DEFB110: variants seen among roughly 807,000 people sequenced by gnomAD.
DEFB110 encodes the protein defensin beta 110, also known as beta-defensin 110.
Under a neutral mutation model 2.5 loss-of-function variants are expected in DEFB110, and 4 were observed. That is an observed-to-expected ratio of 1.60 (90% CI 0.79 to 3.66). The LOEUF is 3.66. DEFB110 is among the 30% of genes most tolerant of loss of function. DEFB110 has a pLI of 0.01. For synonymous variants in DEFB110, 29 were observed against 21.8 expected, an observed-to-expected ratio of 1.33 and a Z score of -0.92; for missense variants, 94 against 75.4, an observed-to-expected ratio of 1.25 and a Z score of -0.91.
chr6:50,021,275 G>T (rs186335363), intron 1 of DEFB110, among the ~76,000 whole-genome samples: 1 of 152,136 alleles, frequency 6.6e-6, no homozygotes, highest in South Asian at 2.1e-4. Context: ...AGCATCCTGG[G>T]TTCTATCTAC....
intron 1 of DEFB110, among the ~76,000 whole-genome samples, chr6:50,012,668 T>C (rs1260792085): frequency 6.6e-6 from 1 of 151,954 alleles, no homozygotes; most frequent in Non-Finnish European, 1.5e-5. Context: ...TATTTATAGA[T>C]TTATGGCAGA....
At chr6:50,021,257 T>G (rs1490939782) in intron 1 of DEFB110, among the ~76,000 whole-genome samples, 1 of 152,166 alleles carries the variant, frequency 6.6e-6, no homozygotes, top group East Asian at 1.9e-4. Context: ...CATTGTAGGT[T>G]ATTTAGCAGC....
Position 50,018,912 on chromosome 6 carries a change from G to A in DEFB110, c.*65C>T. On this transcript the variant is annotated 3_prime_UTR_variant, in exon 2 of 2. Coordinates refer to ENST00000371148, the MANE Select transcript of DEFB110 (RefSeq NM_001037497.2). ...GAGACACACACGCCTTGAAGGATGT[G>A]CTGGGAAAACTTAATAACGCTGGTC... 3 of 1,536,976 alleles carry A rather than the reference G, an allele frequency of 2.0e-6. No homozygotes were observed. In the Middle Eastern group the frequency reaches 5.3e-4, roughly 270 times the overall value.
chr6:50,017,389 A>G (rs974032577), downstream of DEFB110, among the ~76,000 whole-genome samples: 2 of 151,864 alleles, frequency 1.3e-5, no homozygotes, highest in Admixed American at 1.3e-4. Flanking sequence ...GACTTTATAA[A>G]TCAGTAGTTC....
chr6:50,018,724 G>A, downstream of DEFB110: 1 of 922,296 alleles, frequency 1.1e-6, no homozygotes, highest in Non-Finnish European at 1.4e-6. Flanking sequence ...TGTGGAACAT[G>A]AAGCACTGAA....
At chr6:50,020,861 A>G (rs1261336843) in intron 1 of DEFB110, among the ~76,000 whole-genome samples, 1 of 152,190 alleles carries the variant, frequency 6.6e-6, no homozygotes, top group Non-Finnish European at 1.5e-5. Flanking sequence ...CTGAGGAGTT[A>G]TTATTATCAA....
chr6:50,009,248 A>G (rs770946154), exon 2 of DEFB110: 3 of 1,601,698 alleles, frequency 1.9e-6, no homozygotes, highest in Admixed American at 1.8e-5. Context: ...TCAAATCTAT[A>G]CTTTGGTTCA....
rs528421186 is a variant in DEFB110 at position 50,010,256 on chromosome 6, G to C, written c.56-985C>G. ...TTTGTTAAAATTTAGAGAATGAATT[G>C]AATTGAATTCAGATTTAAATTATGT... On this transcript the variant is annotated intron_variant, in intron 1 of 1. Transcript: ENST00000393660. Among the ~76,000 whole-genome samples, 6 of 151,912 alleles carry C rather than the reference G, an allele frequency of 3.9e-5. No homozygotes were observed. In the East Asian group the frequency reaches 1.2e-3, roughly 29 times the overall value.
At chr6:50,020,480 A>G (rs1486693121) in intron 1 of DEFB110, among the ~76,000 whole-genome samples, 1 of 151,994 alleles carries the variant, frequency 6.6e-6, no homozygotes, top group East Asian at 1.9e-4. Context: ...TGACCAAAGG[A>G]CAGATTTAAT....
chr6:50,021,146 C>G (rs766876240), intron 1 of DEFB110, among the ~76,000 whole-genome samples: 3 of 152,110 alleles, frequency 2.0e-5, no homozygotes, highest in Non-Finnish European at 4.4e-5. Context: ...TAAATATACT[C>G]CCTGTCAATT....
chr6:50,017,754 A>G (rs948410693), downstream of DEFB110, among the ~76,000 whole-genome samples: 4 of 151,956 alleles, frequency 2.6e-5, no homozygotes, highest in African/African-American at 4.8e-5. Context: ...AATGCTTAGT[A>G]TAAGCATACT....
chr6:50,011,471 T>C (rs894707530), intron 1 of DEFB110, among the ~76,000 whole-genome samples: 1 of 151,978 alleles, frequency 6.6e-6, no homozygotes, highest in African/African-American at 2.4e-5. Flanking sequence ...TTCCAGAAGG[T>C]TTCTGGGAGT....
chr6:50,011,372 C>T (rs1194080464), intron 1 of DEFB110, among the ~76,000 whole-genome samples: 1 of 151,922 alleles, frequency 6.6e-6, no homozygotes, highest in East Asian at 1.9e-4. Flanking sequence ...ACATTTTGTA[C>T]ATCACTGGAG....
chr6:50,020,116 A>G (rs1582369453), intron 1 of DEFB110, among the ~76,000 whole-genome samples: 1 of 152,150 alleles, frequency 6.6e-6, no homozygotes, highest in Admixed American at 6.6e-5. Flanking sequence ...AGACATGTCC[A>G]GGAGAGCAAA....
chr6:50,020,945 C>T (rs1434752120), intron 1 of DEFB110, among the ~76,000 whole-genome samples: 1 of 152,120 alleles, frequency 6.6e-6, no homozygotes, highest in Non-Finnish European at 1.5e-5. Flanking sequence ...ATGTTTGGCA[C>T]TGTTGTCCAT....
intron 1 of DEFB110, 64 bp downstream of exon 1, chr6:50,021,817 C>T: frequency 1.4e-6 from 2 of 1,433,592 alleles, no homozygotes; most frequent in South Asian, 1.4e-5. Flanking sequence ...TATTTTTTAT[C>T]AAGAAACAAC....
At chr6:50,013,801 G>A (rs994069849) in intron 1 of DEFB110, among the ~76,000 whole-genome samples, 4 of 151,774 alleles carry the variant, frequency 2.6e-5, no homozygotes, top group Non-Finnish European at 4.4e-5. Context: ...CTAAGACTGC[G>A]TGACTGATTA....
At chr6:50,013,504 G>A (rs1177144775) in intron 1 of DEFB110, among the ~76,000 whole-genome samples, 1 of 151,740 alleles carries the variant, frequency 6.6e-6, no homozygotes, top group South Asian at 2.1e-4. Context: ...ATCATGAATG[G>A]AGTGGTAAAA....
At chr6:50,020,911 C>T (rs998351333) in intron 1 of DEFB110, among the ~76,000 whole-genome samples, 2 of 152,172 alleles carry the variant, frequency 1.3e-5, no homozygotes, top group Non-Finnish European at 2.9e-5. Flanking sequence ...CTGAATTATA[C>T]TCACTTTTGG....
Sources: gnomAD v4.1 joint callset for allele counts (sites outside exome capture counted in the v4.1 genomes callset) on GRCh38, gnomAD v4.1.1 for gene constraint, MANE v1.5 for transcripts, NCBI Gene and HGNC (gene_info 2026-07-23, HGNC 2026-07-21) for gene names.